EHHADH: variants seen among roughly 807,000 people sequenced by gnomAD.
The protein encoded by EHHADH is enoyl-CoA hydratase and 3-hydroxyacyl CoA dehydrogenase.
Under a neutral mutation model 64.4 loss-of-function variants are expected in EHHADH, and 48 were observed. The observed-to-expected ratio is 0.75, with a 90% CI of 0.59 to 0.95. EHHADH has a LOEUF of 0.95. Ranked by LOEUF, EHHADH falls within the 40% of genes least tolerant of loss-of-function variation. The probability of loss-of-function intolerance (pLI) is 0.00; values close to 1 mark genes in which losing one functional copy is unlikely to be tolerated. For missense variants in EHHADH, 854 were observed against 876.6 expected (o/e 0.97, Z 0.33); for synonymous variants, 308 against 326.7 (o/e 0.94, Z 0.62).
intron 2 of EHHADH, among the ~76,000 whole-genome samples, chr3:185,239,577 C>T (rs927022079): frequency 2.0e-5 from 3 of 152,142 alleles, no homozygotes; most frequent in Non-Finnish European, 4.4e-5. Context: ...ATTTGGTTCT[C>T]AGCTTGAACG....
At chr3:185,246,724 A>G (rs1011900157) in intron 2 of EHHADH, among the ~76,000 whole-genome samples, 35 of 152,168 alleles carry the variant, frequency 2.3e-4, no homozygotes, top group African/African-American at 8.2e-4. Flanking sequence ...CTCTTGATTC[A>G]AATGTTTTCT....
At chr3:185,201,714 A>G (rs1718232612) in intron 6 of EHHADH, among the ~76,000 whole-genome samples, 1 of 152,336 alleles carries the variant, frequency 6.6e-6, no homozygotes, top group South Asian at 2.1e-4. Context: ...GCCCTTTCCA[A>G]TATTTTTCAA....
At chr3:185,209,244 A>T (rs73193012) in intron 5 of EHHADH, among the ~76,000 whole-genome samples, 1 of 152,218 alleles carries the variant, frequency 6.6e-6, no homozygotes, top group Non-Finnish European at 1.5e-5. Flanking sequence ...AGACCTTAAT[A>T]AAAACAGAAA....
At chr3:185,198,118 T>C (rs1423345737) in intron 6 of EHHADH, among the ~76,000 whole-genome samples, 1 of 151,880 alleles carries the variant, frequency 6.6e-6, no homozygotes. Context: ...TTCTTTGGGG[T>C]AAATATCCAG....
intron 6 of EHHADH, among the ~76,000 whole-genome samples, chr3:185,195,552 A>G (rs1457765813): frequency 1.3e-5 from 2 of 152,238 alleles, no homozygotes; most frequent in Admixed American, 6.5e-5. Context: ...AAGCTTGTAC[A>G]TGAATGTTCA....
chr3:185,227,623 C>A (rs1483451760), intron 4 of EHHADH, among the ~76,000 whole-genome samples: 1 of 151,720 alleles, frequency 6.6e-6, no homozygotes, highest in Non-Finnish European at 1.5e-5. Flanking sequence ...GTGAGGAGTT[C>A]GAGACAAGCC....
At chr3:185,246,652 C>T (rs1158017162) in intron 2 of EHHADH, among the ~76,000 whole-genome samples, 2 of 152,198 alleles carry the variant, frequency 1.3e-5, no homozygotes, top group Non-Finnish European at 2.9e-5. Context: ...GCCTTCTCTT[C>T]TCCTTCAATC....
intron 2 of EHHADH, among the ~76,000 whole-genome samples, chr3:185,240,230 T>C (rs538709646): frequency 1.3e-4 from 19 of 151,946 alleles, no homozygotes; most frequent in African/African-American, 4.6e-4. Context: ...TTTTGTTTTT[T>C]TTTTTTCTTG....
At position 185,192,574 on chromosome 3, in the gene EHHADH, G is replaced by A. The variant is rs184652984; in HGVS notation, c.1824C>T (p.His608=). 5.6e-6 allele frequency: 9 copies of A among 1,614,194 alleles called. No individual in the cohort carries two copies. The highest frequency in any genetic ancestry group is 1.3e-5 in the African/African-American group (1 of 75,030). ...CCTGGCTAATGGTACGTGGTTCAAT[G>A]TGATGGGTTTTTCTATACCGTGATA... ...KFLSRYRKTH[H]IEPRTISQDE... is the part of the protein sequence containing the mutation. The change falls in exon 7 of 7, where the codon CAC becomes CAT. Residue 608 remains histidine (H), a synonymous_variant. Transcript: ENST00000231887.
chr3:185,238,705 T>A (rs1230545169), intron 2 of EHHADH, among the ~76,000 whole-genome samples: 3 of 152,212 alleles, frequency 2.0e-5, no homozygotes, highest in Admixed American at 2.0e-4. Flanking sequence ...TAGTCCTTTG[T>A]CGGATGCACA....
chr3:185,211,683 A>T (rs1718544601), intron 5 of EHHADH, among the ~76,000 whole-genome samples: 1 of 152,248 alleles, frequency 6.6e-6, no homozygotes, highest in South Asian at 2.1e-4. Flanking sequence ...GAACTTGTCT[A>T]GCAGGTAAAA....
intron 4 of EHHADH, among the ~76,000 whole-genome samples, chr3:185,226,058 A>G (rs1318297879): frequency 1.3e-5 from 2 of 152,166 alleles, no homozygotes; most frequent in East Asian, 1.9e-4. Flanking sequence ...GTGTGCATAC[A>G]GTTGTGGTGG....
chr3:185,235,283 T>C lies in EHHADH; in HGVS notation c.351+7A>G, dbSNP rs781075071. 6 of 1,606,926 alleles carry C rather than the reference T, an allele frequency of 3.7e-6. No homozygotes were observed. The highest frequency in any genetic ancestry group is 1.1e-5 in the South Asian group (1 of 89,928). ...CACCAGCCACTATATAGAGCCTTGGTTGTTACCTCTGCGTGGGCAATCCTA... is the reference window on the plus strand; with the variant it reads ...CACCAGCCACTATATAGAGCCTTGGCTGTTACCTCTGCGTGGGCAATCCTA... On this transcript the variant is annotated splice_region_variant and intron_variant, in intron 3 of 6. Coordinates refer to ENST00000231887, the MANE Select transcript of EHHADH (RefSeq NM_001966.4).
At chr3:185,201,343 A>G (rs934188690) in intron 6 of EHHADH, among the ~76,000 whole-genome samples, 11 of 152,204 alleles carry the variant, frequency 7.2e-5, no homozygotes, top group Non-Finnish European at 8.8e-5. Context: ...TGTTCAGCAA[A>G]TGGAAGGCAG....
At chr3:185,226,154 A>G (rs979304366) in intron 4 of EHHADH, among the ~76,000 whole-genome samples, 1 of 152,190 alleles carries the variant, frequency 6.6e-6, no homozygotes, top group African/African-American at 2.4e-5. Context: ...CTGCATAGCC[A>G]ATAGGAGAGT....
At chr3:185,240,917 T>C (rs575239092) in intron 2 of EHHADH, among the ~76,000 whole-genome samples, 135 of 152,218 alleles carry the variant, frequency 8.9e-4, no homozygotes, top group African/African-American at 2.8e-3. Context: ...CCAAGCAGTA[T>C]ATACTGCACT....
intron 5 of EHHADH, among the ~76,000 whole-genome samples, chr3:185,205,131 A>G (rs930930433): frequency 1.3e-5 from 2 of 151,698 alleles, no homozygotes; most frequent in African/African-American, 4.8e-5. Flanking sequence ...GAGTCTAAGG[A>G]AAACGGTTCT....
At chr3:185,223,075 T>A (rs1323598722) in intron 4 of EHHADH, among the ~76,000 whole-genome samples, 1 of 152,208 alleles carries the variant, frequency 6.6e-6, no homozygotes, top group Non-Finnish European at 1.5e-5. Flanking sequence ...TTTCTTCTAT[T>A]TTTTCTTTTG....
intron 1 of EHHADH, 112 bp from the exon 2 acceptor site, chr3:185,248,629 A>C (rs1719661341): frequency 1.5e-6 from 1 of 673,620 alleles, no homozygotes. Context: ...ATGGATAAAA[A>C]CTGTAGATAC....
Sources: allele counts gnomAD v4.1 joint callset (sites outside exome capture counted in the v4.1 genomes callset), GRCh38; gene constraint gnomAD v4.1.1; transcripts MANE v1.5; gene names NCBI Gene and HGNC (gene_info 2026-07-23, HGNC 2026-07-21).